Variants in CUEDC1 observed in about 807,000 individuals in gnomAD.
CUEDC1 encodes the protein CUE domain containing 1.
A neutral mutation model predicts 43.7 loss-of-function variants in CUEDC1; 30 were observed. That is an observed-to-expected ratio of 0.69 (90% CI 0.51 to 0.93). CUEDC1 has a LOEUF of 0.93. Ranked by LOEUF, CUEDC1 falls within the 40% of genes least tolerant of loss-of-function variation. The probability of loss-of-function intolerance (pLI) is 0.00; values close to 1 mark genes in which losing one functional copy is unlikely to be tolerated. For missense variants in CUEDC1, 486 were observed against 549.0 expected (o/e 0.89, Z 1.15); for synonymous variants, 223 against 223.6 (o/e 1.00, Z 0.02).
chr17:57,880,194 C>T (rs1455159718), intron 2 of CUEDC1, among the ~76,000 whole-genome samples: 2 of 152,184 alleles, frequency 1.3e-5, no homozygotes. Context: ...GAGCTGCATG[C>T]GTGTGACTCA....
intron 1 of CUEDC1, among the ~76,000 whole-genome samples, chr17:57,893,306 AAAGG>A (rs2074374324): frequency 6.6e-6 from 1 of 151,066 alleles, no homozygotes; most frequent in African/African-American, 2.4e-5. Context: ...AAAGGGGGTG[AAAGG>A]AAGGGAAGAG....
intron 1 of CUEDC1, among the ~76,000 whole-genome samples, chr17:57,902,251 C>A (rs1004231199): frequency 6.6e-6 from 1 of 151,862 alleles, no homozygotes; most frequent in African/African-American, 2.4e-5. Context: ...AGTGCTTGAA[C>A]CTGGGAGGCG....
chr17:57,877,849 C>T (rs1349875992), intron 3 of CUEDC1, among the ~76,000 whole-genome samples: 1 of 143,398 alleles, frequency 7.0e-6, no homozygotes, highest in Non-Finnish European at 1.5e-5. Flanking sequence ...AATCCCAGTG[C>T]ACTCCAGCCT....
intron 1 of CUEDC1, among the ~76,000 whole-genome samples, chr17:57,933,709 G>A (rs2074832276): frequency 6.6e-6 from 1 of 152,182 alleles, no homozygotes; most frequent in Non-Finnish European, 1.5e-5. Flanking sequence ...TGGAAGGCAT[G>A]AAGCTGGGGT....
chr17:57,937,178 C>T (rs1263944066), intron 1 of CUEDC1, among the ~76,000 whole-genome samples: 1 of 152,082 alleles, frequency 6.6e-6, no homozygotes, highest in Non-Finnish European at 1.5e-5. Context: ...ATCAGCCTGG[C>T]CTCAGCTTCT....
intron 2 of CUEDC1, among the ~76,000 whole-genome samples, chr17:57,881,524 G>C (rs984364333): frequency 6.6e-6 from 1 of 152,188 alleles, no homozygotes; most frequent in African/African-American, 2.4e-5. Context: ...CCCCAGCCCA[G>C]GCACCCTGTT....
At chr17:57,868,032 G>T (rs1257239756) in intron 8 of CUEDC1, 118 bp downstream of exon 8, 17 of 797,936 alleles carry the variant, frequency 2.1e-5, no homozygotes, top group Non-Finnish European at 3.4e-5. Context: ...GGAAGGGAAG[G>T]CCACAGAGCC....
At chr17:57,949,853 C>T (rs570095451) in intron 1 of CUEDC1, among the ~76,000 whole-genome samples, 23 of 152,160 alleles carry the variant, frequency 1.5e-4, no homozygotes, top group African/African-American at 5.5e-4. Flanking sequence ...CATGAACTAC[C>T]ACACCCAGCC....
intron 9 of CUEDC1, chr17:57,866,925 G>C (rs2073967421): frequency 2.9e-6 from 1 of 349,878 alleles, no homozygotes; most frequent in Non-Finnish European, 5.4e-6. Context: ...TGCGGGCCCA[G>C]GAGGGTCTGA....
At chr17:57,925,234 G>A (rs114436385) in intron 1 of CUEDC1, among the ~76,000 whole-genome samples, 5,153 of 151,942 alleles carry the variant, frequency 0.034, 99 homozygotes, top group South Asian at 0.055. Flanking sequence ...TTTCTTTAAC[G>A]AGCATGTAAA....
intron 10 of CUEDC1, among the ~76,000 whole-genome samples, chr17:57,866,002 T>C (rs1479110213): frequency 6.6e-6 from 1 of 152,050 alleles, no homozygotes; most frequent in Non-Finnish European, 1.5e-5. Flanking sequence ...TTTGTATTTT[T>C]AGCAGAGACA....
chr17:57,890,120 T>C (rs2074339461), intron 1 of CUEDC1, among the ~76,000 whole-genome samples: 1 of 152,054 alleles, frequency 6.6e-6, no homozygotes, highest in Non-Finnish European at 1.5e-5. Context: ...TTCAGAGAGG[T>C]TGGGTAAATT....
intron 6 of CUEDC1, among the ~76,000 whole-genome samples, chr17:57,871,053 A>G (rs2074027629): frequency 6.6e-6 from 1 of 152,156 alleles, no homozygotes; most frequent in Admixed American, 6.5e-5. Flanking sequence ...CTTGAACACA[A>G]CTGTGGGCTC....
At chr17:57,946,374 A>C (rs1360727538) in intron 1 of CUEDC1, among the ~76,000 whole-genome samples, 1 of 152,166 alleles carries the variant, frequency 6.6e-6, no homozygotes, top group Non-Finnish European at 1.5e-5. Flanking sequence ...TGTATGCCTC[A>C]CCCAGAACCA....
chr17:57,876,824 G>A (rs910362818), intron 3 of CUEDC1, among the ~76,000 whole-genome samples: 2 of 152,218 alleles, frequency 1.3e-5, no homozygotes, highest in Non-Finnish European at 2.9e-5. Flanking sequence ...GTAGCTGGGG[G>A]ACAGGAAGGA....
intron 10 of CUEDC1, among the ~76,000 whole-genome samples, 167 bp downstream of exon 10, chr17:57,866,307 C>T (rs572685070): frequency 2.8e-4 from 42 of 152,344 alleles, no homozygotes; most frequent in African/African-American, 9.1e-4. Context: ...TGAACTAGTT[C>T]CCACGCCCGT....
At chr17:57,932,281 C>CAAAAAAAAAAAAAAAAAAAAAAAAAAAA (rs56137797) in intron 1 of CUEDC1, among the ~76,000 whole-genome samples, 2 of 121,946 alleles carry the variant, frequency 1.6e-5, no homozygotes, top group Admixed American at 7.7e-5. Context: ...CACTGTGTCT[C>CAAAAAAAAAAAAAAAAAAAAAAAAAAAA]AAAAAAAAAA....
intron 3 of CUEDC1, among the ~76,000 whole-genome samples, chr17:57,875,711 G>C (rs1397650096): frequency 6.6e-6 from 1 of 152,060 alleles, no homozygotes; most frequent in East Asian, 1.9e-4. Flanking sequence ...AGGGGAAGGA[G>C]GGAGAAGCTG....
At position 57,954,517 on chromosome 17, in the gene CUEDC1, T is replaced by A. The variant is rs1567730128; in HGVS notation, c.-316+708A>T. On this transcript the variant is annotated intron_variant, in intron 1 of 10. Transcript: ENST00000577830. This position sits in a 1 kb window ranked among gnomAD's most constrained non-coding sequence, Gnocchi z 4.3. ...GACCGAGAAAAGGAAGAGGGAGGAATGAATAAACGCTGACACCAGCCCCCC... is the reference window on the plus strand; with the variant it reads ...GACCGAGAAAAGGAAGAGGGAGGAAAGAATAAACGCTGACACCAGCCCCCC... Among the ~76,000 whole-genome samples the A allele has an allele frequency of 6.6e-6, 1 of 151,268 alleles. No individual in the cohort carries two copies. Among genetic ancestry groups the A allele is most frequent in the African/African-American group, 2.4e-5 (1 of 41,040 alleles).
Sources: gnomAD v4.1 joint callset for allele counts (sites outside exome capture counted in the v4.1 genomes callset) on GRCh38, gnomAD v4.1.1 for gene constraint, Gnocchi (gnomAD v3.1) non-coding constraint, MANE v1.5 for transcripts, NCBI Gene and HGNC (gene_info 2026-07-23, HGNC 2026-07-21) for gene names.